Variants in FES observed in about 807,000 individuals in gnomAD.
FES encodes FES proto-oncogene, tyrosine kinase, also known as tyrosine-protein kinase Fes/Fps.
Under a neutral mutation model 109.6 loss-of-function variants are expected in FES, and 83 were observed. That is an observed-to-expected ratio of 0.76 (90% CI 0.63 to 0.91). The LOEUF is 0.91. FES is among the 40% of genes least tolerant of loss of function. The probability of loss-of-function intolerance (pLI) is 0.00; values close to 1 mark genes in which losing one functional copy is unlikely to be tolerated. For missense variants in FES, 943 were observed against 1,070.9 expected (o/e 0.88, Z 1.67); for synonymous variants, 458 against 442.1 (o/e 1.04, Z -0.45).
rs2033018663 is a variant in FES, at chr15:90,889,783, C to T, written c.927-57C>T. 6.2e-7 allele frequency: 1 copy of T among 1,609,466 alleles called. No individual in the cohort carries two copies. The highest frequency in any genetic ancestry group is 8.5e-7 in the Non-Finnish European group (1 of 1,177,860). The stretch of plus-strand genomic sequence containing the variant: ...CTTGGCTCTACAGGGATGCACTGGA[C>T]CTGGGTTGAGGGGGCAGGAGGGCTC... On this transcript the variant is annotated intron_variant, in intron 7 of 18. Coordinates refer to ENST00000328850, the MANE Select transcript of FES (RefSeq NM_002005.4). This position sits in a 1 kb window ranked among gnomAD's most constrained non-coding sequence, Gnocchi z 6.1.
rs373780315 is a variant in FES at position 90,888,246 on chromosome 15, C to T, written c.668+876C>T. 4.6e-4 allele frequency among the ~76,000 whole-genome samples: 70 copies of T among 152,246 alleles called. 1 individual carries two copies. The South Asian group carries it at 0.014, about 30-fold the overall frequency. On this transcript the variant is annotated intron_variant, in intron 5 of 18. Coordinates refer to ENST00000328850, the MANE Select transcript of FES (RefSeq NM_002005.4). ...TCAGCCTCCCGAGTAGCTGGAACTA[C>T]GGGCATGCGCCACCACACCCAGCTA...
rs1174413609 is a variant in FES, at chr15:90,892,584, G to T, written c.1708-123G>T. On this transcript the variant is annotated intron_variant, in intron 13 of 18. Coordinates refer to ENST00000328850, the MANE Select transcript of FES (RefSeq NM_002005.4). Reference sequence around the variant, plus strand: ...CCAGCGAGGGTCAAACTCCCAGAGAGCCTGGGTGAGGGGTCCGAACACGGG... The same window carrying T: ...CCAGCGAGGGTCAAACTCCCAGAGATCCTGGGTGAGGGGTCCGAACACGGG... 3 of 817,920 alleles carry T rather than the reference G, an allele frequency of 3.7e-6. No individual in the cohort carries two copies. In the Admixed American group the frequency reaches 8.3e-5, roughly 23 times the overall value. 50.7% of individuals were successfully genotyped at this position (817,920 alleles called of 1,614,324 possible). A position where few individuals can be genotyped will look rare whatever the true frequency, so the allele number is the denominator to read the frequency against.
chr15:90,893,535 G>T (rs2856849), intron 16 of FES, 119 bp from the exon 17 acceptor site: 1 of 1,493,168 alleles, frequency 6.7e-7, no homozygotes, highest in Non-Finnish European at 8.9e-7. Context: ...GTTGGCCTCT[G>T]TGGTAGACAG....
In FES at chr15:90,892,516, G is replaced by A. The variant is rs189621880; in HGVS notation, c.1708-191G>A. The A allele has an allele frequency of 8.9e-5, 52 of 587,460 alleles. No homozygotes were observed. In the East Asian group the frequency reaches 1.2e-3, roughly 14 times the overall value. 36.4% of individuals were successfully genotyped at this position (587,460 alleles called of 1,614,324 possible). On this transcript the variant is annotated intron_variant, in intron 13 of 18. Coordinates refer to ENST00000328850, the MANE Select transcript of FES (RefSeq NM_002005.4). ...CTTCTCTCAGGAAGGGTGGCACATCGGAGGCAACTTTCCCTGCCTGCCCCA... is the reference window on the plus strand; with the variant it reads ...CTTCTCTCAGGAAGGGTGGCACATCAGAGGCAACTTTCCCTGCCTGCCCCA...
chr15:90,890,232 C>G lies in FES; in HGVS notation c.1190C>G (p.Pro397Arg), dbSNP rs200860946. The G allele has an allele frequency of 1.6e-3, 2,494 of 1,599,974 alleles. 3 individuals are homozygous for G. The highest frequency in any genetic ancestry group is 1.9e-3 in the Non-Finnish European group (2,295 of 1,178,400). The change falls in exon 9 of 19, where the codon CCG becomes CGG. Residue 397 changes from proline (P) to arginine (R), a missense_variant. Coordinates refer to ENST00000328850, the MANE Select transcript of FES (RefSeq NM_002005.4). The stretch of plus-strand genomic sequence containing the variant: ...GAGCACCTGGGCCCCGGCGAGCCCC[C>G]GCCTGTGCTGCTCCTGCAGGATGAC... ...KLEHLGPGEP[P>R]PVLLLQDDRH... is the part of the protein sequence containing the mutation.
At chr15:90,885,672 A>G (rs2032534162) in intron 3 of FES, 87 bp downstream of exon 3, 1 of 1,507,402 alleles carries the variant, frequency 6.6e-7, no homozygotes, top group African/African-American at 1.4e-5. Flanking sequence ...CCCTGGATTC[A>G]CTGGGGAAGT....
chr15:90,887,474 T>C lies in FES; in HGVS notation c.668+104T>C, dbSNP rs546632838. The C allele has an allele frequency of 1.2e-5, 15 of 1,274,040 alleles. No individual in the cohort carries two copies. The South Asian group carries it at 2.3e-4, about 19-fold the overall frequency. 78.9% of individuals were successfully genotyped at this position (1,274,040 alleles called of 1,614,324 possible). On this transcript the variant is annotated intron_variant, in intron 5 of 18. Coordinates refer to ENST00000328850, the MANE Select transcript of FES (RefSeq NM_002005.4). The stretch of plus-strand genomic sequence containing the variant: ...AGAAAATCCATTGCTGGGAAGGTGC[T>C]GGCCATGTAACCACATGAGAACGGG...
intron 10 of FES, 46 bp downstream of exon 10, chr15:90,890,530 T>G: frequency 6.5e-7 from 1 of 1,548,546 alleles, no homozygotes; most frequent in Non-Finnish European, 8.9e-7. Context: ...TGTTTCGAGT[T>G]TAATCACTGG....
Position 90,890,295 on chromosome 15 carries a change from G to T in FES, c.1236+17G>T. 6.3e-7 allele frequency: 1 copy of T among 1,586,606 alleles called. No homozygotes were observed. The highest frequency in any genetic ancestry group is 8.6e-7 in the Non-Finnish European group (1 of 1,168,390). ...TCGTCCTCGGTGAGCTGCCCCATCC[G>T]CGGCCGCTGCCCGCCACCGGCCTGC... On this transcript the variant is annotated intron_variant, in intron 9 of 18. Transcript: ENST00000328850.
At chr15:90,890,367 C>G (rs993799850) in intron 9 of FES, 34 bp from the exon 10 acceptor site, 1 of 1,608,354 alleles carries the variant, frequency 6.2e-7, no homozygotes, top group Admixed American at 1.7e-5. Flanking sequence ...CTCCCTAAGC[C>G]TGGCCACCCG....
intron 18 of FES, among the ~76,000 whole-genome samples, chr15:90,894,795 A>C (rs988771886): frequency 1.3e-5 from 2 of 151,784 alleles, no homozygotes; most frequent in African/African-American, 4.8e-5. Context: ...ACCTGGGCGC[A>C]GTGGCTCACG....
Position 90,890,096 on chromosome 15 carries a change from C to T in FES, c.1054C>T (p.Gln352Ter). Residue 352 changes from glutamine to a stop codon, truncating the protein, a stop_gained, in exon 9 of 19, where the codon CAG (glutamine) becomes TAG (stop). Coordinates refer to ENST00000328850, the MANE Select transcript of FES (RefSeq NM_002005.4). LOFTEE classifies it high-confidence loss of function. ...CCCACCCGCCCCTGCCTGCAGGGTG[C>T]AGCTGCTGGGCAAGAGGCAAGTGCT... ...EENTHPRERV[Q>*]LLGKRQVLQE... 1 of 1,399,446 alleles carries T rather than the reference C, an allele frequency of 7.1e-7. No homozygotes were observed. Among genetic ancestry groups the T allele is most frequent in the Non-Finnish European group, 9.6e-7 (1 of 1,040,128 alleles). The allele number at this position is 1,399,446 out of a possible 1,614,324, so 86.7% of individuals were successfully genotyped here.
Position 90,889,293 on chromosome 15 carries a change from G to T in FES, c.669-13G>T. On this transcript the variant is annotated splice_polypyrimidine_tract_variant and intron_variant, in intron 5 of 18. Transcript: ENST00000328850. The surrounding 1 kb of genome is among the most constrained non-coding windows in gnomAD (Gnocchi z 6.1). Reference sequence around the variant, plus strand: ...TGAGGCTCCCCTGACTGGGGATCCCGTCTCGGGGGCAGGAAGGAGATCCTG... The same window carrying T: ...TGAGGCTCCCCTGACTGGGGATCCCTTCTCGGGGGCAGGAAGGAGATCCTG... 1 of 1,612,572 alleles carries T rather than the reference G, an allele frequency of 6.2e-7. No individual in the cohort carries two copies. Among genetic ancestry groups the T allele is most frequent in the South Asian group, 1.1e-5 (1 of 91,044 alleles).
chr15:90,885,317 TG>T, intron 2 of FES, 59 bp downstream of exon 2: 1 of 1,601,336 alleles, frequency 6.2e-7, no homozygotes, highest in Non-Finnish European at 8.5e-7. Flanking sequence ...CTTCCTCTCC[TG>T]GGGGCCCTCT....
rs1216865004 is a variant in FES at position 90,892,728 on chromosome 15, A to G, written c.1729A>G (p.Ser577Gly). 6.2e-7 allele frequency: 1 copy of G among 1,611,690 alleles called. No individual in the cohort carries two copies. The highest frequency in any genetic ancestry group is 1.7e-5 in the Admixed American group (1 of 59,748). The change falls in exon 14 of 19, where the codon AGC becomes GGC. Residue 577 changes from serine (S) to glycine (G), a missense_variant. Ser to Gly is a moderately conservative substitution (Grantham distance 56). Coordinates refer to ENST00000328850, the MANE Select transcript of FES (RefSeq NM_002005.4). Reference protein sequence around the residue: ...IGRGNFGEVFSGRLRADNTLV... With the variant: ...IGRGNFGEVFGGRLRADNTLV... ...TCAGGGGAACTTTGGCGAAGTGTTC[A>G]GCGGACGCCTGCGAGCCGACAACAC...
chr15:90,891,302 T>G, intron 11 of FES, 111 bp downstream of exon 11: 1 of 1,329,186 alleles, frequency 7.5e-7, no homozygotes, highest in Non-Finnish European at 1.0e-6. Flanking sequence ...CTTGGATGCC[T>G]CCCTAGCAGG....
chr15:90,886,828 A>G lies in FES; in HGVS notation c.388-133A>G, dbSNP rs966557313. 14 of 744,956 alleles carry G rather than the reference A, an allele frequency of 1.9e-5. No individual in the cohort carries two copies. In the Admixed American group the frequency reaches 3.0e-4, roughly 16 times the overall value. The allele number at this position is 744,956 out of a possible 1,614,324, so 46.1% of individuals were successfully genotyped here. A position where few individuals can be genotyped will look rare whatever the true frequency, so the allele number is the denominator to read the frequency against. On this transcript the variant is annotated intron_variant, in intron 3 of 18. Transcript: ENST00000328850. Reference sequence around the variant, plus strand: ...CTCTCTGATCTTTGACTCTCACGTCAGCAGCCAGCTTTCCCAGAAGTCTCC... The same window carrying G: ...CTCTCTGATCTTTGACTCTCACGTCGGCAGCCAGCTTTCCCAGAAGTCTCC...
At position 90,889,200 on chromosome 15, in the gene FES, A is replaced by C. The variant is rs982847769; in HGVS notation, c.669-106A>C. ...TGGCATGGCTAGCTCGAAGTGAGGC[A>C]GGGGTCAACCCCAGCCCTGACTCCA... On this transcript the variant is annotated intron_variant, in intron 5 of 18. Coordinates refer to ENST00000328850, the MANE Select transcript of FES (RefSeq NM_002005.4). This position sits in a 1 kb window ranked among gnomAD's most constrained non-coding sequence, Gnocchi z 6.1. 4.8e-6 allele frequency: 7 copies of C among 1,452,932 alleles called. No homozygotes were observed. Among genetic ancestry groups the C allele is most frequent in the Non-Finnish European group, 6.5e-6 (7 of 1,075,602 alleles). The allele number at this position is 1,452,932 out of a possible 1,614,324, so 90.0% of individuals were successfully genotyped here.
intron 13 of FES, 63 bp from the exon 14 acceptor site, chr15:90,892,644 A>G: frequency 6.7e-7 from 1 of 1,483,694 alleles, no homozygotes; most frequent in Non-Finnish European, 9.2e-7. Context: ...CAGAATGGGT[A>G]GGAAGCGGAG....
Sources: gnomAD v4.1 joint callset for allele counts (sites outside exome capture counted in the v4.1 genomes callset) on GRCh38, gnomAD v4.1.1 for gene constraint, Gnocchi (gnomAD v3.1) non-coding constraint, MANE v1.5 for transcripts, NCBI Gene and HGNC (gene_info 2026-07-23, HGNC 2026-07-21) for gene names.